Variants in IFNAR1 observed in about 807,000 individuals in gnomAD.
IFNAR1 encodes interferon alpha/beta receptor 1.
A neutral mutation model predicts 62.1 loss-of-function variants in IFNAR1; 47 were observed. The ratio of observed to expected loss-of-function variants is 0.76; its 90% CI spans 0.60 to 0.97. The LOEUF (loss-of-function observed/expected upper bound fraction) is 0.97, where lower values mean the gene tolerates loss of function less well. IFNAR1 is among the 50% of genes least tolerant of loss of function. IFNAR1 has a pLI of 0.00. For missense variants in IFNAR1, 638 were observed against 654.5 expected, an observed-to-expected ratio of 0.97 and a Z score of 0.27; for synonymous variants, 219 against 226.9, an observed-to-expected ratio of 0.97 and a Z score of 0.31.
At position 33,333,930 on chromosome 21, in the gene IFNAR1, G is replaced by A. The variant is rs553820063; in HGVS notation, c.77-1594G>A. ...TGACTCAATTATATGCTTTCTATAA[G>A]AAACCCACTTCACCTATAAAGACAC... On this transcript the variant is annotated intron_variant, in intron 1 of 10. Coordinates refer to ENST00000270139, the MANE Select transcript of IFNAR1 (RefSeq NM_000629.3). 1.5e-3 allele frequency among the ~76,000 whole-genome samples: 225 copies of A among 152,196 alleles called. 1 individual carries two copies. The highest frequency in any genetic ancestry group is 5.0e-3 in the African/African-American group (208 of 41,498).
At chr21:33,339,722 G>T (rs1441876477) in intron 2 of IFNAR1, among the ~76,000 whole-genome samples, 7 of 151,620 alleles carry the variant, frequency 4.6e-5, no homozygotes, top group Non-Finnish European at 1.0e-4. Flanking sequence ...AGGAGTTTAA[G>T]ATCAGTCTAG....
upstream of IFNAR1, chr21:33,324,826 T>G: frequency 3.6e-6 from 2 of 549,426 alleles, no homozygotes; most frequent in Non-Finnish European, 6.5e-6. Flanking sequence ...AATGGGAGCT[T>G]GGAGAAGGGG....
intron 1 of IFNAR1, among the ~76,000 whole-genome samples, chr21:33,332,600 A>G (rs1370591105): frequency 6.6e-6 from 1 of 152,240 alleles, no homozygotes; most frequent in Non-Finnish European, 1.5e-5. Context: ...ACAAGATACA[A>G]GAAAATACAG....
chr21:33,345,276 T>C lies in IFNAR1; in HGVS notation c.704T>C (p.Ile235Thr), dbSNP rs2083334598. The C allele has an allele frequency of 1.3e-6, 2 of 1,597,136 alleles. No individual in the cohort carries two copies. The highest frequency in any genetic ancestry group is 1.3e-5 in the African/African-American group (1 of 74,530). Residue 235 changes from isoleucine (I) to threonine (T), a missense_variant, in exon 6 of 11, where the codon ATA becomes ACA. By Grantham distance (89) the Ile-to-Thr change is moderately conservative (BLOSUM62 -1). Coordinates refer to ENST00000270139, the MANE Select transcript of IFNAR1 (RefSeq NM_000629.3). ...VENELPPPEN[I>T]EVSVQNQNYV... Reference sequence around the variant, plus strand: ...AATGAACTACCTCCACCAGAAAATATAGAAGTCAGTGTCCAAAATCAGAAC... The same window carrying C: ...AATGAACTACCTCCACCAGAAAATACAGAAGTCAGTGTCCAAAATCAGAAC...
chr21:33,339,031 C>T (rs539514378), intron 2 of IFNAR1, among the ~76,000 whole-genome samples: 3 of 152,086 alleles, frequency 2.0e-5, no homozygotes, highest in South Asian at 2.1e-4. Flanking sequence ...TGTGAGCCAC[C>T]GAGCCCGGCC....
chr21:33,331,173 C>G (rs1280557434), intron 1 of IFNAR1, among the ~76,000 whole-genome samples: 2 of 152,216 alleles, frequency 1.3e-5, no homozygotes, highest in African/African-American at 4.8e-5. Context: ...ACTACTCCAC[C>G]TACTCCTACC....
rs17875775 is a variant in IFNAR1, at chr21:33,330,619, C to G, written c.77-4905C>G. Among the ~76,000 whole-genome samples, 1,143 of 152,278 alleles carry G rather than the reference C, an allele frequency of 7.5e-3. 13 individuals carry two copies. Among genetic ancestry groups the G allele is most frequent in the African/African-American group, 0.026 (1,082 of 41,536 alleles). ...ACTAGAAGCCCCTTCTGCTCATCCC[C>G]TCATAAGACAGCCAGAACAACAAAT... On this transcript the variant is annotated intron_variant, in intron 1 of 10. Transcript: ENST00000270139.
Position 33,353,781 on chromosome 21 carries a change from G to A in IFNAR1, c.1438G>A (p.Glu480Lys). The A allele has an allele frequency of 6.4e-7, 1 of 1,557,834 alleles. No individual in the cohort carries two copies. Among genetic ancestry groups the A allele is most frequent in the South Asian group, 1.2e-5 (1 of 82,222 alleles). Residue 480 changes from glutamate (E) to lysine (K), a missense_variant and splice_region_variant, in exon 10 of 11, where the codon GAG becomes AAG. Physicochemically the swap from Glu to Lys is moderately conservative, Grantham distance 56. Coordinates refer to ENST00000270139, the MANE Select transcript of IFNAR1 (RefSeq NM_000629.3). ...ACTTAAACCTTCTTCCAGTATAGATGAGGTATGTTACTTTTTTTATTTTTT... is the reference window on the plus strand; with the variant it reads ...ACTTAAACCTTCTTCCAGTATAGATAAGGTATGTTACTTTTTTTATTTTTT... ...PSLKPSSSID[E>K]YFSEQPLKNL...
Position 33,325,140 on chromosome 21 carries a change from C to G in IFNAR1, c.76+9C>G. The stretch of plus-strand genomic sequence containing the variant: ...GTTGTCCGCAGCCGCAGGTGAGAGG[C>G]GGGGAGGAGAGTCTTGGCGCAGGGC... On this transcript the variant is annotated intron_variant, in intron 1 of 10. Transcript: ENST00000270139. The G allele has an allele frequency of 6.2e-7, 1 of 1,607,772 alleles. No individual in the cohort carries two copies. Among genetic ancestry groups the G allele is most frequent in the Non-Finnish European group, 8.5e-7 (1 of 1,177,918 alleles).
intron 6 of IFNAR1, among the ~76,000 whole-genome samples, chr21:33,345,776 T>A (rs1276172752): frequency 6.6e-6 from 1 of 152,244 alleles, no homozygotes; most frequent in Non-Finnish European, 1.5e-5. Context: ...ATTCAAAAAA[T>A]TAGCCTTCCT....
intron 2 of IFNAR1, among the ~76,000 whole-genome samples, chr21:33,337,017 C>G (rs528395351): frequency 6.6e-6 from 1 of 152,164 alleles, no homozygotes; most frequent in South Asian, 2.1e-4. Context: ...TCCCAAAGTG[C>G]TAGGATTACA....
Position 33,349,522 on chromosome 21 carries a change from G to C in IFNAR1, c.1122G>C (p.Trp374Cys). The part of the protein sequence containing the change: ...DYPLIYEIIF[W>C]ENTSNAERKI... ...CACTGATTTATGAAATTATTTTTTG[G>C]GAAAACACTTCAAATGCTGAGGTAA... is the stretch of plus-strand genomic sequence containing the variant. The change falls in exon 8 of 11, where the codon TGG becomes TGC. Residue 374 changes from tryptophan to cysteine, a missense_variant. Physicochemically the swap from Trp to Cys is radical, Grantham distance 215. Coordinates refer to ENST00000270139, the MANE Select transcript of IFNAR1 (RefSeq NM_000629.3). The C allele has an allele frequency of 1.9e-6, 3 of 1,607,454 alleles. No homozygotes were observed. Among genetic ancestry groups the C allele is most frequent in the Non-Finnish European group, 1.7e-6 (2 of 1,176,478 alleles).
chr21:33,346,394 G>C (rs1175758105), intron 6 of IFNAR1, among the ~76,000 whole-genome samples: 1 of 152,200 alleles, frequency 6.6e-6, no homozygotes, highest in Non-Finnish European at 1.5e-5. Flanking sequence ...ATCTTTTAGT[G>C]TTAATTTTGA....
intron 2 of IFNAR1, among the ~76,000 whole-genome samples, chr21:33,336,537 C>T (rs1167658984): frequency 6.6e-6 from 1 of 151,362 alleles, no homozygotes; most frequent in African/African-American, 2.4e-5. Context: ...TACAGTCCCA[C>T]CAACAGTGTA....
chr21:33,334,742 C>T, intron 1 of IFNAR1: 1 of 796,968 alleles, frequency 1.3e-6, no homozygotes. Context: ...CAGGGTGATC[C>T]AGGTGTGTGA....
chr21:33,353,907 C>A, intron 10 of IFNAR1, 124 bp downstream of exon 10: 1 of 636,244 alleles, frequency 1.6e-6, no homozygotes, highest in Non-Finnish European at 2.7e-6. Flanking sequence ...ATTTGGGTAT[C>A]TTCTTCAAAG....
intron 2 of IFNAR1, among the ~76,000 whole-genome samples, chr21:33,340,019 T>C (rs2083279805): frequency 6.6e-6 from 1 of 151,846 alleles, no homozygotes; most frequent in South Asian, 2.1e-4. Context: ...CTGGGCAACA[T>C]GTCCTTTTCT....
rs528991112 is a variant in IFNAR1 at position 33,325,716 on chromosome 21, G to A, written c.76+585G>A. Among the ~76,000 whole-genome samples, 4 of 152,324 alleles carry A rather than the reference G, an allele frequency of 2.6e-5. No individual in the cohort carries two copies. In the South Asian group the frequency reaches 8.3e-4, roughly 32 times the overall value. On this transcript the variant is annotated intron_variant, in intron 1 of 10. Transcript: ENST00000270139. ...GGTTTTCCAGAGGTTTTCAGGAGGT[G>A]GGGCAGGAAGGCAGTAAGGCAAATA...
intron 6 of IFNAR1, among the ~76,000 whole-genome samples, chr21:33,347,203 C>T (rs2083356999): frequency 1.3e-5 from 2 of 150,912 alleles, no homozygotes; most frequent in African/African-American, 4.9e-5. Context: ...GATCTCAGCT[C>T]ACTGCAACCT....
Sources: gnomAD v4.1 joint callset for allele counts (sites outside exome capture counted in the v4.1 genomes callset) on GRCh38, gnomAD v4.1.1 for gene constraint, MANE v1.5 for transcripts, NCBI Gene and HGNC (gene_info 2026-07-23, HGNC 2026-07-21) for gene names.